The following CHTF18 variants were observed in gnomAD, a reference collection of about 807,000 sequenced individuals.
CHTF18 encodes the protein chromosome transmission fidelity protein 18 homolog.
In CHTF18, 151 loss-of-function variants were observed where a neutral mutation model predicts 113.4. The observed-to-expected ratio is 1.33, with a 90% CI of 1.17 to 1.52. The LOEUF (loss-of-function observed/expected upper bound fraction) is 1.52, where lower values mean the gene tolerates loss of function less well. Among genes scored for constraint, CHTF18 ranks in the 40% most tolerant of loss-of-function variants. The pLI, the probability that CHTF18 is intolerant of heterozygous loss-of-function variation, is 0.00. For synonymous variants in CHTF18, 916 were observed against 598.8 expected (o/e 1.53, Z -7.74); for missense variants, 1,982 against 1,381.6 (o/e 1.43, Z -6.89).
Position 792,909 on chromosome 16 carries a change from T to G in CHTF18, c.1573-57T>G, listed in dbSNP as rs990720909. On this transcript the variant is annotated intron_variant, in intron 12 of 21. Transcript: ENST00000262315. ...CCTGCCCCTCCCCATGGAACCCTGG[T>G]AACCCCTGAAAGGATGGGGCATACC... 6 of 1,536,220 alleles carry G rather than the reference T, an allele frequency of 3.9e-6. No homozygotes were observed. The African/African-American group carries it at 8.2e-5, about 21-fold the overall frequency.
chr16:791,100 G>C, intron 7 of CHTF18, 61 bp from the exon 8 acceptor site: 1 of 1,548,028 alleles, frequency 6.5e-7, no homozygotes, highest in Non-Finnish European at 8.7e-7. Context: ...GTGGCAGGTG[G>C]ACTGTCCGTG....
In CHTF18 at chr16:792,472, C is replaced by T. The variant is rs759731840; in HGVS notation, c.1360C>T (p.Arg454Cys). The change falls in exon 11 of 22, where the codon CGC becomes TGC. Residue 454 changes from arginine (R) to cysteine (C), a missense_variant. By Grantham distance (180) the Arg-to-Cys change is radical. Coordinates refer to ENST00000262315, the MANE Select transcript of CHTF18 (RefSeq NM_022092.3). ...AINVLLSILN[R>C]KGPQEVGPQG... ...CAACGTCCTCCTGAGCATCCTGAAC[C>T]GCAAGGGGCCACAGGAGGTGGGGCC... The T allele has an allele frequency of 3.7e-5, 58 of 1,580,190 alleles. No homozygotes were observed. Among genetic ancestry groups the T allele is most frequent in the Non-Finnish European group, 4.3e-5 (50 of 1,163,602 alleles).
At chr16:789,870 G>A (rs1014660429) in intron 4 of CHTF18, 155 bp downstream of exon 4, 26 of 1,333,520 alleles carry the variant, frequency 1.9e-5, no homozygotes, top group South Asian at 2.8e-5. Flanking sequence ...CGTAGACTTA[G>A]AGGACACAGC....
Position 788,720 on chromosome 16 carries a change from G to T in CHTF18, c.36G>T (p.Glu12Asp). 1.2e-6 allele frequency: 2 copies of T among 1,602,770 alleles called. No homozygotes were observed. The highest frequency in any genetic ancestry group is 1.7e-6 in the Non-Finnish European group (2 of 1,175,826). ...EDYEQELCGV[E>D]DDFHNQFAAE... ...ACGAGCAGGAGCTGTGCGGCGTCGAGGATGATTTCCACAACCAGTTCGCGG... is the reference window on the plus strand; with the variant it reads ...ACGAGCAGGAGCTGTGCGGCGTCGATGATGATTTCCACAACCAGTTCGCGG... Residue 12 changes from glutamate to aspartate, a missense_variant, in exon 1 of 22, where the codon GAG becomes GAT. Glu to Asp is a conservative substitution (Grantham distance 45). Transcript: ENST00000262315.
Position 795,783 on chromosome 16 carries a change from C to T in CHTF18, c.2274C>T (p.Leu758=), listed in dbSNP as rs367901504. Reference sequence around the variant, plus strand: ...GCCGGGCCACGCCCCAGGCCCTGCTCCTCGATGCCCTCTGCCTGCTCCTGG... The same window carrying T: ...GCCGGGCCACGCCCCAGGCCCTGCTTCTCGATGCCCTCTGCCTGCTCCTGG... ...TRSRATPQAL[L]LDALCLLLDI... is the part of the protein sequence containing the mutation. The change falls in exon 17 of 22, where the codon CTC becomes CTT. Residue 758 remains leucine (L), a synonymous_variant. Coordinates refer to ENST00000262315, the MANE Select transcript of CHTF18 (RefSeq NM_022092.3). The T allele has an allele frequency of 7.5e-6, 12 of 1,609,822 alleles. No homozygotes were observed. Among genetic ancestry groups the T allele is most frequent in the Non-Finnish European group, 1.0e-5 (12 of 1,178,996 alleles).
chr16:793,744 G>A, intron 14 of CHTF18: 1 of 662,336 alleles, frequency 1.5e-6, no homozygotes, highest in South Asian at 1.5e-5. Flanking sequence ...GGAGACGCTG[G>A]CCTGGGCCTG....
chr16:792,469 A>G lies in CHTF18; in HGVS notation c.1357A>G (p.Asn453Asp). ...AAINVLLSIL[N>D]RKGPQEVGPQ... ...CATCAACGTCCTCCTGAGCATCCTG[A>G]ACCGCAAGGGGCCACAGGAGGTGGG... Residue 453 changes from asparagine (N) to aspartate (D), a missense_variant, in exon 11 of 22, where the codon AAC (asparagine) becomes GAC (aspartate). Asn to Asp is a conservative substitution (Grantham distance 23). Transcript: ENST00000262315. 6.3e-7 allele frequency: 1 copy of G among 1,578,770 alleles called. No homozygotes were observed. Among genetic ancestry groups the G allele is most frequent in the Non-Finnish European group, 8.6e-7 (1 of 1,162,706 alleles).
chr16:789,493 C>G, intron 3 of CHTF18, 54 bp from the exon 4 acceptor site: 1 of 1,553,588 alleles, frequency 6.4e-7, no homozygotes, highest in East Asian at 2.3e-5. Flanking sequence ...ACACCCATAT[C>G]CAAGGGTGAC....
At chr16:790,710 C>G in intron 7 of CHTF18, 44 bp downstream of exon 7, 1 of 1,488,046 alleles carries the variant, frequency 6.7e-7, no homozygotes, top group Non-Finnish European at 8.9e-7. Context: ...TTCCTCTGTT[C>G]CCAAGATGGA....
Position 793,269 on chromosome 16 carries a change from C to G in CHTF18, c.1797C>G (p.Ala599=), listed in dbSNP as rs767953056. 6.2e-7 allele frequency: 1 copy of G among 1,606,960 alleles called. No individual in the cohort carries two copies. Among genetic ancestry groups the G allele is most frequent in the East Asian group, 2.2e-5 (1 of 44,716 alleles). ...VWQEVFQLPR[A]QRRRVGQDPA... is the part of the protein sequence containing the mutation. ...AGGAGGTCTTCCAGCTGCCTCGAGC[C>G]CAGAGGTAGGCGGTGGCCACAGCCT... The change falls in exon 14 of 22, where the codon GCC becomes GCG. Residue 599 remains alanine, a synonymous_variant. Transcript: ENST00000262315.
Position 793,128 on chromosome 16 carries a change from C to G in CHTF18, c.1672-16C>G, listed in dbSNP as rs373516349. 787 of 1,587,202 alleles carry G rather than the reference C, an allele frequency of 5.0e-4. 7 individuals carry two copies. Among genetic ancestry groups the G allele is most frequent in the Middle Eastern group, 1.6e-3 (8 of 5,124 alleles). ...TCAGGAGTTGGCCGCTTCTCATGCC[C>G]CCGCCCTATGTCTAGTTCCTGTACA... is the stretch of plus-strand genomic sequence containing the variant. On this transcript the variant is annotated splice_polypyrimidine_tract_variant and intron_variant, in intron 13 of 21. Transcript: ENST00000262315.
At chr16:790,899 G>A in intron 7 of CHTF18, 1 of 1,432,812 alleles carries the variant, frequency 7.0e-7, no homozygotes, top group Non-Finnish European at 9.1e-7. Flanking sequence ...CCAAGTCTCT[G>A]TTCCCTTTCC....
chr16:794,268 C>G (rs1426034340), intron 15 of CHTF18, 67 bp downstream of exon 15: 1 of 1,554,818 alleles, frequency 6.4e-7, no homozygotes, highest in Non-Finnish European at 8.8e-7. Flanking sequence ...TGCCCCTGCC[C>G]CTGCCGGTCC....
In CHTF18 at chr16:795,125, C is replaced by A. The variant is rs1447004156; in HGVS notation, c.1951-7C>A. 2 of 1,541,336 alleles carry A rather than the reference C, an allele frequency of 1.3e-6. No homozygotes were observed. Among genetic ancestry groups the A allele is most frequent in the Non-Finnish European group, 1.8e-6 (2 of 1,142,400 alleles). ...GCAGGAGCTCAGGGGTTGCCGGCCG[C>A]CTGCAGGGCTTGTTTGACAACTTCC... is the stretch of plus-strand genomic sequence containing the variant. On this transcript the variant is annotated splice_region_variant and splice_polypyrimidine_tract_variant and intron_variant, in intron 15 of 21. Transcript: ENST00000262315.
rs745367765 is a variant in CHTF18 at position 791,388 on chromosome 16, T to C, written c.1104+18T>C. 8.8e-6 allele frequency: 14 copies of C among 1,583,122 alleles called. No individual in the cohort carries two copies. The African/African-American group carries it at 1.9e-4, about 21-fold the overall frequency. The stretch of plus-strand genomic sequence containing the variant: ...AGCAGAAGGTGAGCCCCGCTGGCTG[T>C]GCCGCCGGGAACAAGCCTGAGGCTT... On this transcript the variant is annotated intron_variant, in intron 8 of 21. Coordinates refer to ENST00000262315, the MANE Select transcript of CHTF18 (RefSeq NM_022092.3).
intron 7 of CHTF18, chr16:790,876 G>A (rs2042178443): frequency 5.6e-6 from 8 of 1,431,640 alleles, no homozygotes. Flanking sequence ...AGGGGTCCAG[G>A]GTGTCACCTG....
chr16:789,729 G>T lies in CHTF18; in HGVS notation c.606+14G>T. Reference sequence around the variant, plus strand: ...CCGGGGGTGCAGGTGCGTGGCTGTGGCCTTCCTGCACGGTGGGTGGGCCAG... The same window carrying T: ...CCGGGGGTGCAGGTGCGTGGCTGTGTCCTTCCTGCACGGTGGGTGGGCCAG... On this transcript the variant is annotated intron_variant, in intron 4 of 21. Transcript: ENST00000262315. 1 of 1,571,258 alleles carries T rather than the reference G, an allele frequency of 6.4e-7. No homozygotes were observed. The highest frequency in any genetic ancestry group is 8.6e-7 in the Non-Finnish European group (1 of 1,164,348).
rs772024711 is a variant in CHTF18 at position 789,637 on chromosome 16, C to G, written c.528C>G (p.Asp176Glu). 29 of 1,607,524 alleles carry G rather than the reference C, an allele frequency of 1.8e-5. No homozygotes were observed. Among genetic ancestry groups the G allele is most frequent in the Non-Finnish European group, 2.5e-5 (29 of 1,179,760 alleles). Residue 176 changes from aspartate to glutamate, a missense_variant, in exon 4 of 22, where the codon GAC becomes GAG. Asp to Glu is a conservative substitution (Grantham distance 45). Coordinates refer to ENST00000262315, the MANE Select transcript of CHTF18 (RefSeq NM_022092.3). ...TGAGGCGGCCCCCCATCTTGGAGGA[C>G]TACGTCCACGTGACATCCACGGAGG... The part of the protein sequence containing the change: ...PVLRRPPILE[D>E]YVHVTSTEGV...
rs17850060 is a variant in CHTF18 at position 790,636 on chromosome 16, C to T, written c.864C>T (p.Pro288=). The part of the protein sequence containing the change: ...SHCLWVDEFA[P]RHYTELLSDD... Reference sequence around the variant, plus strand: ...GCCTCTGGGTGGATGAGTTTGCACCCCGCCACTACACGGAGCTGCTCAGTG... The same window carrying T: ...GCCTCTGGGTGGATGAGTTTGCACCTCGCCACTACACGGAGCTGCTCAGTG... The change falls in exon 7 of 22, where the codon CCC becomes CCT. Residue 288 remains proline, a synonymous_variant. Coordinates refer to ENST00000262315, the MANE Select transcript of CHTF18 (RefSeq NM_022092.3). 5 of 1,596,420 alleles carry T rather than the reference C, an allele frequency of 3.1e-6. No homozygotes were observed. The highest frequency in any genetic ancestry group is 4.3e-6 in the Non-Finnish European group (5 of 1,173,874).
Sources: allele counts gnomAD v4.1 joint callset, GRCh38; gene constraint gnomAD v4.1.1; transcripts MANE v1.5; gene names NCBI Gene and HGNC (gene_info 2026-07-23, HGNC 2026-07-21).